The following POU3F3 variants were observed in gnomAD, a reference collection of about 807,000 sequenced individuals.
POU3F3 encodes the protein POU class 3 homeobox 3.
A neutral mutation model predicts 8.6 loss-of-function variants in POU3F3; 1 was observed. The ratio of observed to expected loss-of-function variants is 0.12; its 90% CI spans 0.04 to 0.55. The LOEUF is 0.55. Among genes scored for constraint, POU3F3 ranks in the 20% least tolerant of loss-of-function variants. The pLI, the probability that POU3F3 is intolerant of heterozygous loss-of-function variation, is 0.91. For synonymous variants in POU3F3, 418 were observed against 327.4 expected, an observed-to-expected ratio of 1.28 and a Z score of -2.99; for missense variants, 577 against 690.7, an observed-to-expected ratio of 0.84 and a Z score of 1.84.
chr2:104,882,051 C>T, the POU3F3 span, among the ~76,000 whole-genome samples: 5 of 152,254 alleles, frequency 3.3e-5, no homozygotes, highest in African/African-American at 1.2e-4. Context: ...GAGTTATTGA[C>T]TCACTAAAAG....
the POU3F3 span, among the ~76,000 whole-genome samples, chr2:104,888,417 C>T: frequency 1.1e-4 from 16 of 152,300 alleles, no homozygotes; most frequent in South Asian, 3.3e-3. Flanking sequence ...TAGAGTTTGC[C>T]ATCTCCTCGT....
chr2:104,857,183 T>TC lies in POU3F3; in HGVS notation c.*174dup, dbSNP rs1558703898. The TC allele has an allele frequency of 1.4e-6, 1 of 708,332 alleles. No individual in the cohort carries two copies. The highest frequency in any genetic ancestry group is 6.4e-5 in the Admixed American group (1 of 15,722). The allele number at this position is 708,332 out of a possible 1,614,324, so 43.9% of individuals were successfully genotyped here. A position where few individuals can be genotyped will look rare whatever the true frequency, so the allele number is the denominator to read the frequency against. The stretch of plus-strand genomic sequence containing the variant: ...TCCAGCCCAGGCCCATCCGCCGCCC[T>TC]CCCCTCCACCCAGAGACAGGCATGC... On this transcript the variant is annotated 3_prime_UTR_variant, in exon 1 of 1. Transcript: ENST00000361360.
At chr2:104,889,591 G>A in the POU3F3 span, among the ~76,000 whole-genome samples, 3 of 152,186 alleles carry the variant, frequency 2.0e-5, no homozygotes, top group Non-Finnish European at 4.4e-5. Context: ...TCCCGGAGCT[G>A]GCCAGCACCT....
the POU3F3 span, among the ~76,000 whole-genome samples, chr2:104,907,923 G>A: frequency 2.6e-5 from 4 of 152,112 alleles, no homozygotes; most frequent in Non-Finnish European, 5.9e-5. Flanking sequence ...TGGAATGAAT[G>A]TGTGAGAGTG....
At chr2:104,901,999 C>T in the POU3F3 span, among the ~76,000 whole-genome samples, 31 of 152,308 alleles carry the variant, frequency 2.0e-4, no homozygotes, top group East Asian at 5.6e-3. Flanking sequence ...CACCTGCTTA[C>T]AGACTGTAGA....
At chr2:104,860,812 C>T (rs1030274516), downstream of POU3F3, among the ~76,000 whole-genome samples, 23 of 120,410 alleles carry the variant, frequency 1.9e-4, no homozygotes, top group East Asian at 5.6e-3. Context: ...TTCTTTGTTC[C>T]GAAGAGAACT....
chr2:104,858,548 C>T lies in POU3F3; in HGVS notation c.*1535C>T, dbSNP rs903727816. On this transcript the variant is annotated 3_prime_UTR_variant, in exon 1 of 1. Coordinates refer to ENST00000361360, the MANE Select transcript of POU3F3 (RefSeq NM_006236.3). ...GAGTAGTGATTCCGTAAGAGCTGAT[C>T]GAGAAAATAAATTTGTTAGAATGAA... 2.6e-5 allele frequency: 4 copies of T among 151,926 alleles called. No homozygotes were observed. The highest frequency in any genetic ancestry group is 9.7e-5 in the African/African-American group (4 of 41,324). The allele number at this position is 151,926 out of a possible 1,614,324, so 9.4% of individuals were successfully genotyped here.
chr2:104,876,904 G>A, the POU3F3 span, among the ~76,000 whole-genome samples: 6 of 152,210 alleles, frequency 3.9e-5, no homozygotes, highest in Non-Finnish European at 8.8e-5. Context: ...GGGTTCAGGG[G>A]GCTTGAAGGA....
chr2:104,894,586 C>T, the POU3F3 span, among the ~76,000 whole-genome samples: 15 of 152,144 alleles, frequency 9.9e-5, no homozygotes, highest in African/African-American at 2.9e-4. Context: ...TCCAACTGAG[C>T]GGTGTGGTCA....
the POU3F3 span, among the ~76,000 whole-genome samples, chr2:104,881,514 CTCTT>C: frequency 6.6e-6 from 1 of 152,132 alleles, no homozygotes; most frequent in East Asian, 1.9e-4. Flanking sequence ...TGCATCCTCT[CTCTT>C]TCTGTCCTCT....
chr2:104,927,689 G>A, the POU3F3 span, among the ~76,000 whole-genome samples: 1 of 140,248 alleles, frequency 7.1e-6, no homozygotes, highest in African/African-American at 2.6e-5. Context: ...TAAGGCTGCA[G>A]TGAATTATAA....
Position 104,855,566 on chromosome 2 carries a change from G to C in POU3F3, c.56G>C (p.Gly19Ala). 2 of 1,030,390 alleles carry C rather than the reference G, an allele frequency of 1.9e-6. No homozygotes were observed. Among genetic ancestry groups the C allele is most frequent in the South Asian group, 3.1e-5 (1 of 32,516 alleles). 63.8% of individuals were successfully genotyped at this position (1,030,390 alleles called of 1,614,324 possible). Residue 19 changes from glycine to alanine, a missense_variant, in exon 1 of 1, where the codon GGC (glycine) becomes GCC (alanine). Physicochemically the swap from Gly to Ala is moderately conservative, Grantham distance 60. Coordinates refer to ENST00000361360, the MANE Select transcript of POU3F3 (RefSeq NM_006236.3). ...CCGGGGAACAGCCTGCTCGCGGCCGGCTCTATTGTGCACTCGGACGCGGCA... is the reference window on the plus strand; with the variant it reads ...CCGGGGAACAGCCTGCTCGCGGCCGCCTCTATTGTGCACTCGGACGCGGCA... ...YLPGNSLLAA[G>A]SIVHSDAAGA...
Position 104,858,405 on chromosome 2 carries a change from A to C in POU3F3, c.*1392A>C, listed in dbSNP as rs1676616145. 6.6e-6 allele frequency: 1 copy of C among 152,224 alleles called. No individual in the cohort carries two copies. The highest frequency in any genetic ancestry group is 1.5e-5 in the Non-Finnish European group (1 of 68,040). 9.4% of individuals were successfully genotyped at this position (152,224 alleles called of 1,614,324 possible). A position where few individuals can be genotyped will look rare whatever the true frequency, so the allele number is the denominator to read the frequency against. ...GCAAAACGGTAATTTATTTTTCCCC[A>C]GATCTTGTATTACGTGTTTTTTTCA... On this transcript the variant is annotated 3_prime_UTR_variant, in exon 1 of 1. Transcript: ENST00000361360.
the POU3F3 span, among the ~76,000 whole-genome samples, chr2:104,873,397 A>C: frequency 6.6e-6 from 1 of 151,908 alleles, no homozygotes; most frequent in South Asian, 2.1e-4. Context: ...GAAAAGAAGA[A>C]AGTTCTCCGC....
At chr2:104,867,909 C>A in the POU3F3 span, 8 of 214,612 alleles carry the variant, frequency 3.7e-5, no homozygotes, top group East Asian at 9.3e-4. This position sits in a 1 kb window ranked among gnomAD's most constrained non-coding sequence, Gnocchi z 5.0. Flanking sequence ...CGCACTCCGC[C>A]CCCGCTGAGG....
chr2:104,873,572 T>C, the POU3F3 span, among the ~76,000 whole-genome samples: 65 of 152,274 alleles, frequency 4.3e-4, no homozygotes, highest in African/African-American at 1.5e-3. Context: ...ACGGTTCTTT[T>C]TGTTCCGGGC....
chr2:104,881,483 A>C, the POU3F3 span, among the ~76,000 whole-genome samples: 2 of 151,900 alleles, frequency 1.3e-5, no homozygotes, highest in African/African-American at 4.8e-5. Flanking sequence ...TTTCATATGC[A>C]ATGGTTACAC....
At chr2:104,882,282 C>T in the POU3F3 span, among the ~76,000 whole-genome samples, 3 of 147,040 alleles carry the variant, frequency 2.0e-5, no homozygotes, top group African/African-American at 2.5e-5. Flanking sequence ...GGTCTCACTC[C>T]GTCGCCCAGG....
the POU3F3 span, among the ~76,000 whole-genome samples, chr2:104,899,832 T>C: frequency 2.6e-5 from 4 of 152,208 alleles, no homozygotes; most frequent in South Asian, 8.3e-4. Flanking sequence ...ATGCCATGCA[T>C]GGCCAACAGC....
Sources: gnomAD v4.1 joint callset for allele counts (sites outside exome capture counted in the v4.1 genomes callset) on GRCh38, gnomAD v4.1.1 for gene constraint, Gnocchi (gnomAD v3.1) non-coding constraint, MANE v1.5 for transcripts, NCBI Gene and HGNC (gene_info 2026-07-23, HGNC 2026-07-21) for gene names.